Variants in ERVMER34-1 observed in about 807,000 individuals in gnomAD.
ERVMER34-1 encodes endogenous retrovirus group MER34 member 1, envelope, also known as endogenous retroviral envelope protein HEMO.
For synonymous variants in ERVMER34-1, 199 were observed against 111.7 expected, an observed-to-expected ratio of 1.78 and a Z score of -4.93; for missense variants, 471 against 295.1, an observed-to-expected ratio of 1.60 and a Z score of -4.37.
rs1716047083 is a variant in ERVMER34-1 at position 52,742,704 on chromosome 4, G to A, written c.*1125C>T. The A allele has an allele frequency of 1.3e-5, 2 of 152,008 alleles. No homozygotes were observed. The highest frequency in any genetic ancestry group is 1.3e-4 in the Admixed American group (2 of 15,264). The allele number at this position is 152,008 out of a possible 1,614,324, so 9.4% of individuals were successfully genotyped here. On this transcript the variant is annotated 3_prime_UTR_variant, in exon 3 of 3. Coordinates refer to ENST00000443173, the MANE Select transcript of ERVMER34-1 (RefSeq NM_001242690.2). ...GAGGTTGAGGTGGGCGGGTCATGAGGTCAGGAGACTGAGACCATCCTGGCT... is the reference window on the plus strand; with the variant it reads ...GAGGTTGAGGTGGGCGGGTCATGAGATCAGGAGACTGAGACCATCCTGGCT...
At chr4:52,750,748 C>G (rs1431049207) in intron 2 of ERVMER34-1, 182 bp downstream of exon 2, 1 of 152,390 alleles carries the variant, frequency 6.6e-6, no homozygotes, top group Non-Finnish European at 1.5e-5. Context: ...CATACAGGGC[C>G]ACATGGGAAA....
rs1716114003 is a variant in ERVMER34-1, at chr4:52,745,012, T to C, written c.509A>G (p.Asn170Ser). The change falls in exon 3 of 3, where the codon AAC (asparagine) becomes AGC (serine). Residue 170 changes from asparagine to serine, a missense_variant. Coordinates refer to ENST00000443173, the MANE Select transcript of ERVMER34-1 (RefSeq NM_001242690.2). ...GCAAACACTTGTATCATCATCATCG[T>C]TCCTGGATTCATTTGTAACATCTAT... ...PSIDVTNESRNDDDDTSVCLG... is the reference protein window; with the variant it reads ...PSIDVTNESRSDDDDTSVCLG... The C allele has an allele frequency of 1.4e-6, 1 of 704,052 alleles. No homozygotes were observed. The highest frequency in any genetic ancestry group is 2.0e-5 in the Admixed American group (1 of 50,002). 43.6% of individuals were successfully genotyped at this position (704,052 alleles called of 1,614,324 possible). A position where few individuals can be genotyped will look rare whatever the true frequency, so the allele number is the denominator to read the frequency against.
chr4:52,749,634 C>T (rs1212742067), intron 2 of ERVMER34-1, among the ~76,000 whole-genome samples: 11 of 152,076 alleles, frequency 7.2e-5, no homozygotes. Context: ...GAAATCCCAT[C>T]TCTACTAAAA....
At chr4:52,746,654 G>A (rs970020544) in intron 2 of ERVMER34-1, among the ~76,000 whole-genome samples, 7 of 152,152 alleles carry the variant, frequency 4.6e-5, no homozygotes, top group African/African-American at 1.7e-4. Context: ...AACATGCAGT[G>A]AGAACAGTCT....
At chr4:52,748,177 T>C in intron 2 of ERVMER34-1, 1 of 250,482 alleles carries the variant, frequency 4.0e-6, no homozygotes, top group Non-Finnish European at 7.9e-6. Context: ...AGCAGAAGGG[T>C]TAAGTAAGTC....
At chr4:52,747,339 G>A (rs953769925) in intron 2 of ERVMER34-1, among the ~76,000 whole-genome samples, 1 of 152,164 alleles carries the variant, frequency 6.6e-6, no homozygotes, top group Non-Finnish European at 1.5e-5. Flanking sequence ...CCAGGAGCAT[G>A]TCTTTGATAT....
At chr4:52,750,344 G>A (rs1008197911) in intron 2 of ERVMER34-1, among the ~76,000 whole-genome samples, 10 of 152,118 alleles carry the variant, frequency 6.6e-5, no homozygotes, top group Non-Finnish European at 1.0e-4. Context: ...TCACCAATGG[G>A]CATATAATTG....
chr4:52,744,787 C>A lies in ERVMER34-1; in HGVS notation c.734G>T (p.Arg245Leu), dbSNP rs372451410. ...CAGGCCATAAGAGCAAAATAGGTTG[C>A]GAAATAGCTGGTACAGAAGGCCTTT... ...QTKGLLYQLF[R>L]NLFCSYGLTE... Residue 245 changes from arginine to leucine, a missense_variant, in exon 3 of 3, where the codon CGC becomes CTC. Coordinates refer to ENST00000443173, the MANE Select transcript of ERVMER34-1 (RefSeq NM_001242690.2). 8.5e-6 allele frequency: 6 copies of A among 703,946 alleles called. No individual in the cohort carries two copies. Among genetic ancestry groups the A allele is most frequent in the South Asian group, 1.5e-5 (1 of 67,606 alleles). The allele number at this position is 703,946 out of a possible 1,614,324, so 43.6% of individuals were successfully genotyped here.
rs1363265178 is a variant in ERVMER34-1, at chr4:52,751,024, C to A, written c.-518G>T. The A allele has an allele frequency of 3.3e-5, 5 of 152,406 alleles. No homozygotes were observed. Among genetic ancestry groups the A allele is most frequent in the East Asian group, 3.9e-4 (2 of 5,160 alleles). 9.4% of individuals were successfully genotyped at this position (152,406 alleles called of 1,614,324 possible). On this transcript the variant is annotated 5_prime_UTR_variant, in exon 2 of 3. Transcript: ENST00000443173. ...CCGGGGTTGGGTTCCTGTCGCCGCA[C>A]GCGTGGCCCGCCCGAAACCCGCTAC... is the stretch of plus-strand genomic sequence containing the variant.
Position 52,745,572 on chromosome 4 carries a change from C to G in ERVMER34-1, c.-52G>C. 1.5e-6 allele frequency: 1 copy of G among 663,212 alleles called. No homozygotes were observed. The highest frequency in any genetic ancestry group is 2.7e-6 in the Non-Finnish European group (1 of 363,650). 41.1% of individuals were successfully genotyped at this position (663,212 alleles called of 1,614,324 possible). A position where few individuals can be genotyped will look rare whatever the true frequency, so the allele number is the denominator to read the frequency against. ...AAGCAAACTCCAGACAATGGAGATT[C>G]AATGAAAGGGGAGGGTTTTGTTTAA... On this transcript the variant is annotated 5_prime_UTR_variant, in exon 3 of 3. Coordinates refer to ENST00000443173, the MANE Select transcript of ERVMER34-1 (RefSeq NM_001242690.2).
rs1403491511 is a variant in ERVMER34-1, at chr4:52,745,627, A to G, written c.-107T>C. On this transcript the variant is annotated 5_prime_UTR_variant, in exon 3 of 3. Coordinates refer to ENST00000443173, the MANE Select transcript of ERVMER34-1 (RefSeq NM_001242690.2). ...CTAAGTCAGAGAATTTTCCAGGTTG[A>G]GGAGGGAAGATGTTTCAGCTAGTTG... 1.1e-5 allele frequency: 7 copies of G among 623,886 alleles called. No homozygotes were observed. The highest frequency in any genetic ancestry group is 2.6e-5 in the Admixed American group (1 of 38,102). 38.6% of individuals were successfully genotyped at this position (623,886 alleles called of 1,614,324 possible).
Position 52,744,408 on chromosome 4 carries a change from T to G in ERVMER34-1, c.1113A>C (p.Thr371=). 1 of 704,166 alleles carries G rather than the reference T, an allele frequency of 1.4e-6. No homozygotes were observed. The highest frequency in any genetic ancestry group is 2.6e-6 in the Non-Finnish European group (1 of 385,006). The allele number at this position is 704,166 out of a possible 1,614,324, so 43.6% of individuals were successfully genotyped here. Residue 371 remains threonine (T), a synonymous_variant, in exon 3 of 3, where the codon ACA becomes ACC. Transcript: ENST00000443173. Reference sequence around the variant, plus strand: ...CCAAACTTGGAAAAAGGGCCCTTATTGTTGAATTGTCCTTGGGGTTGCAAT... The same window carrying G: ...CCAAACTTGGAAAAAGGGCCCTTATGGTTGAATTGTCCTTGGGGTTGCAAT... The part of the protein sequence containing the change: ...PLYCNPKDNS[T]IRALFPSLGT...
intron 2 of ERVMER34-1, among the ~76,000 whole-genome samples, chr4:52,747,377 T>G (rs1469836954): frequency 6.6e-6 from 1 of 152,084 alleles, no homozygotes; most frequent in Admixed American, 6.6e-5. Context: ...GAGCCATACC[T>G]CCTCTATCTG....
Position 52,745,431 on chromosome 4 carries a change from T to C in ERVMER34-1, c.90A>G (p.Pro30=). 1 of 704,070 alleles carries C rather than the reference T, an allele frequency of 1.4e-6. No individual in the cohort carries two copies. Among genetic ancestry groups the C allele is most frequent in the East Asian group, 2.7e-5 (1 of 37,294 alleles). The allele number at this position is 704,070 out of a possible 1,614,324, so 43.6% of individuals were successfully genotyped here. Residue 30 remains proline, a synonymous_variant, in exon 3 of 3, where the codon CCA becomes CCG. Transcript: ENST00000443173. ...TCAAGATAGATAGTGTCCGGAAAAC[T>C]GGAGCAAGCAGGTGCTGAGGTTGTA... ...ILVQPQHLLA[P]VFRTLSILTN...
Position 52,751,100 on chromosome 4 carries a change from C to T in ERVMER34-1, c.-563-31G>A, listed in dbSNP as rs1340515540. The T allele has an allele frequency of 2.0e-5, 3 of 152,250 alleles. No homozygotes were observed. The East Asian group carries it at 5.8e-4, about 30-fold the overall frequency. 9.4% of individuals were successfully genotyped at this position (152,250 alleles called of 1,614,324 possible). A position where few individuals can be genotyped will look rare whatever the true frequency, so the allele number is the denominator to read the frequency against. ...GAGGCAAAGCGCAAACTTGTTACCG[C>T]GCCGGGACCTGCCCCGGGATTCTCC... On this transcript the variant is annotated intron_variant, in intron 1 of 2. Coordinates refer to ENST00000443173, the MANE Select transcript of ERVMER34-1 (RefSeq NM_001242690.2).
Position 52,745,921 on chromosome 4 carries a change from A to AACTTTCAG in ERVMER34-1, c.-409_-402dup, listed in dbSNP as rs1716146684. On this transcript the variant is annotated 5_prime_UTR_variant, in exon 3 of 3. Coordinates refer to ENST00000443173, the MANE Select transcript of ERVMER34-1 (RefSeq NM_001242690.2). ...GTTACAACACATCTTTTCTTCTAAA[A>AACTTTCAG]ACTTTCAGATATACTTGATCACCTG... is the stretch of plus-strand genomic sequence containing the variant. 5.9e-6 allele frequency: 1 copy of AACTTTCAG among 170,542 alleles called. No homozygotes were observed. The highest frequency in any genetic ancestry group is 5.6e-5 in the Admixed American group (1 of 17,710). 10.6% of individuals were successfully genotyped at this position (170,542 alleles called of 1,614,324 possible). A position where few individuals can be genotyped will look rare whatever the true frequency, so the allele number is the denominator to read the frequency against.
chr4:52,748,676 G>A (rs1716209120), intron 2 of ERVMER34-1, among the ~76,000 whole-genome samples: 1 of 152,018 alleles, frequency 6.6e-6, no homozygotes, highest in South Asian at 2.1e-4. Context: ...GCTCTCCCAG[G>A]CATAACCACA....
Position 52,744,036 on chromosome 4 carries a change from T to C in ERVMER34-1, c.1485A>G (p.Leu495=). ...AGATGAATAAGCAGAAAAGAACAAT[T>C]AAAAGCACATAGCCCCATGATCTGA... ...DWFRSWGYVL[L]IVLFCLFIFV... is the part of the protein sequence containing the mutation. Residue 495 remains leucine, a synonymous_variant, in exon 3 of 3, where the codon TTA becomes TTG. Coordinates refer to ENST00000443173, the MANE Select transcript of ERVMER34-1 (RefSeq NM_001242690.2). The C allele has an allele frequency of 2.8e-6, 2 of 707,672 alleles. No individual in the cohort carries two copies. Among genetic ancestry groups the C allele is most frequent in the Non-Finnish European group, 5.2e-6 (2 of 388,274 alleles). The allele number at this position is 707,672 out of a possible 1,614,324, so 43.8% of individuals were successfully genotyped here.
At chr4:52,749,457 G>T (rs1031635328) in intron 2 of ERVMER34-1, among the ~76,000 whole-genome samples, 2 of 152,086 alleles carry the variant, frequency 1.3e-5, no homozygotes, top group South Asian at 4.2e-4. Flanking sequence ...CAGTCACAGA[G>T]TTGGCTTCTA....
Sources: gnomAD v4.1 joint callset for allele counts (sites outside exome capture counted in the v4.1 genomes callset) on GRCh38, gnomAD v4.1.1 for gene constraint, MANE v1.5 for transcripts, NCBI Gene and HGNC (gene_info 2026-07-23, HGNC 2026-07-21) for gene names.